CLN3: variants seen among roughly 807,000 people sequenced by gnomAD.
CLN3 encodes the protein battenin.
Under a neutral mutation model 60.7 loss-of-function variants are expected in CLN3, and 49 were observed. The observed-to-expected ratio is 0.81, with a 90% CI of 0.64 to 1.02. The LOEUF (loss-of-function observed/expected upper bound fraction) is 1.02, where lower values mean the gene tolerates loss of function less well. CLN3 is among the 50% of genes least tolerant of loss of function. The pLI is 0.00. For synonymous variants in CLN3, 256 were observed against 245.8 expected, an observed-to-expected ratio of 1.04 and a Z score of -0.39; for missense variants, 516 against 557.4, an observed-to-expected ratio of 0.93 and a Z score of 0.75.
chr16:28,490,827 G>C (rs2046302876), intron 3 of CLN3: 1 of 151,240 alleles, frequency 6.6e-6, no homozygotes, highest in Non-Finnish European at 1.5e-5. Context: ...TCAGCACTTT[G>C]GAAGGTTGAG....
chr16:28,477,492 C>T lies in CLN3; in HGVS notation c.*24G>A, dbSNP rs772089665. Reference sequence around the variant, plus strand: ...TCCCTCTGCCCACAGGTGAATGTGACCTGCGTCCTGAGGATCCCGAGTATC... The same window carrying T: ...TCCCTCTGCCCACAGGTGAATGTGATCTGCGTCCTGAGGATCCCGAGTATC... On this transcript the variant is annotated 3_prime_UTR_variant, in exon 16 of 16. Coordinates refer to ENST00000636147, the MANE Select transcript of CLN3 (RefSeq NM_001042432.2). The T allele has an allele frequency of 1.9e-5, 30 of 1,612,088 alleles. No individual in the cohort carries two copies. Among genetic ancestry groups the T allele is most frequent in the Admixed American group, 8.3e-5 (5 of 59,998 alleles).
chr16:28,483,514 G>A (rs1163354641), intron 10 of CLN3, among the ~76,000 whole-genome samples: 1 of 151,558 alleles, frequency 6.6e-6, no homozygotes, highest in South Asian at 2.1e-4. Context: ...GAACCACCAC[G>A]CCCGGCCAAT....
rs370258906 is a variant in CLN3, at chr16:28,482,715, C to G, written c.791-43G>C. 3 of 1,608,372 alleles carry G rather than the reference C, an allele frequency of 1.9e-6. No individual in the cohort carries two copies. In the African/African-American group the frequency reaches 4.0e-5, roughly 22 times the overall value. Reference sequence around the variant, plus strand: ...GAGAAGGGCAGATGAAGTTTTCACACTGAAGACTCGGCAAAGAGGCACCGG... The same window carrying G: ...GAGAAGGGCAGATGAAGTTTTCACAGTGAAGACTCGGCAAAGAGGCACCGG... On this transcript the variant is annotated intron_variant, in intron 10 of 15. Transcript: ENST00000636147.
intron 13 of CLN3, 58 bp from the exon 14 acceptor site, chr16:28,482,256 C>T (rs1176203775): frequency 6.2e-7 from 1 of 1,603,050 alleles, no homozygotes; most frequent in Non-Finnish European, 8.5e-7. Flanking sequence ...CCCGCTCCCC[C>T]CGGTGCCTAC....
intron 14 of CLN3, chr16:28,479,725 C>A (rs1440916812): frequency 5.0e-6 from 1 of 201,002 alleles, no homozygotes; most frequent in Non-Finnish European, 1.1e-5. Flanking sequence ...GCCAAGATTG[C>A]ACCGCTACAT....
intron 10 of CLN3, 140 bp downstream of exon 10, chr16:28,483,866 T>C (rs1412995027): frequency 3.0e-6 from 2 of 677,360 alleles, no homozygotes; most frequent in Non-Finnish European, 5.2e-6. Context: ...CCTCAACAAG[T>C]ATTTCTCAAA....
chr16:28,491,181 G>A, intron 3 of CLN3: 1 of 430,572 alleles, frequency 2.3e-6, no homozygotes, highest in South Asian at 4.0e-5. Context: ...TCCAAGTGGA[G>A]TCGTGATTTA....
intron 5 of CLN3, chr16:28,488,054 A>T (rs1596563564): frequency 2.7e-5 from 8 of 291,366 alleles, no homozygotes; most frequent in Admixed American, 8.8e-5. Context: ...ATATATATAT[A>T]TTTTGAGAGT....
At position 28,477,329 on chromosome 16, in the gene CLN3, C is replaced by T. The variant is rs867117606; in HGVS notation, c.*187G>A. 18 of 703,092 alleles carry T rather than the reference C, an allele frequency of 2.6e-5. No homozygotes were observed. The highest frequency in any genetic ancestry group is 3.9e-4 in the Middle Eastern group (1 of 2,554). The allele number at this position is 703,092 out of a possible 1,614,324, so 43.6% of individuals were successfully genotyped here. On this transcript the variant is annotated 3_prime_UTR_variant, in exon 16 of 16. Coordinates refer to ENST00000636147, the MANE Select transcript of CLN3 (RefSeq NM_001042432.2). ...CAGAAGGCATGATGCCAGGAAGAAACTCCCCAAGTGGGAGACAATGGCTGG... is the reference window on the plus strand; with the variant it reads ...CAGAAGGCATGATGCCAGGAAGAAATTCCCCAAGTGGGAGACAATGGCTGG...
intron 3 of CLN3, chr16:28,491,191 A>T (rs2046307875): frequency 2.2e-6 from 1 of 461,212 alleles, no homozygotes; most frequent in Non-Finnish European, 3.8e-6. Flanking sequence ...GTCGTGATTT[A>T]AAGTTTTCTT....
downstream of CLN3, among the ~76,000 whole-genome samples, chr16:28,471,878 A>C (rs1297785781): frequency 1.3e-5 from 2 of 152,150 alleles, no homozygotes; most frequent in Non-Finnish European, 2.9e-5. Flanking sequence ...AGGGATGTCC[A>C]AGGAATCTGT....
chr16:28,475,488 T>C (rs1466795379), downstream of CLN3: 2 of 152,356 alleles, frequency 1.3e-5, no homozygotes, highest in Non-Finnish European at 2.9e-5. Flanking sequence ...TGAAGTGACT[T>C]GCCCAAGGTA....
intron 14 of CLN3, among the ~76,000 whole-genome samples, chr16:28,480,281 T>G (rs2046065615): frequency 6.6e-6 from 1 of 152,042 alleles, no homozygotes; most frequent in Non-Finnish European, 1.5e-5. Context: ...CTCAAGCTCC[T>G]GGCTTCGAGT....
rs1240868691 is a variant in CLN3, at chr16:28,486,669, C to G, written c.461-19G>C. 4.4e-6 allele frequency: 7 copies of G among 1,595,688 alleles called. 1 individual carries two copies. The highest frequency in any genetic ancestry group is 6.0e-6 in the Non-Finnish European group (7 of 1,171,498). ...ACCACACCTGGGGGGAGGACAAGCA[C>G]TGGGATGGTCACACCACACCTTGCC... On this transcript the variant is annotated intron_variant, in intron 7 of 15. Transcript: ENST00000636147.
At chr16:28,489,880 A>G (rs1200159778) in intron 3 of CLN3, among the ~76,000 whole-genome samples, 2 of 152,004 alleles carry the variant, frequency 1.3e-5, no homozygotes, top group African/African-American at 4.8e-5. Flanking sequence ...AATATGGAGA[A>G]ACCCCGTCTC....
rs568062985 is a variant in CLN3 at position 28,486,914 on chromosome 16, T to TTTC, written c.461-267_461-265dup. On this transcript the variant is annotated intron_variant, in intron 7 of 15. Coordinates refer to ENST00000636147, the MANE Select transcript of CLN3 (RefSeq NM_001042432.2). ...TCTGCCCCTTCATCAGTCTTTTTCT[T>TTTC]TTCTTTTCTTTTTGGAGACGGAGTC... 399 of 527,174 alleles carry TTTC rather than the reference T, an allele frequency of 7.6e-4. 2 individuals carry two copies. The highest frequency in any genetic ancestry group is 6.8e-3 in the African/African-American group (357 of 52,346). 32.7% of individuals were successfully genotyped at this position (527,174 alleles called of 1,614,324 possible).
intron 3 of CLN3, among the ~76,000 whole-genome samples, chr16:28,490,057 C>CA (rs34443652): frequency 0.49 from 52,207 of 106,446 alleles, 11,658 homozygotes; most frequent in Admixed American, 0.53. Context: ...GACTCTATCT[C>CA]AAAAAAAAAA....
Position 28,491,840 on chromosome 16 carries a change from G to A in CLN3, c.-76-5C>T. 1 of 1,546,996 alleles carries A rather than the reference G, an allele frequency of 6.5e-7. No individual in the cohort carries two copies. Among genetic ancestry groups the A allele is most frequent in the South Asian group, 1.1e-5 (1 of 88,090 alleles). On this transcript the variant is annotated splice_polypyrimidine_tract_variant and splice_region_variant and intron_variant, in intron 1 of 15. Transcript: ENST00000636147. ...TCCCACGGGAGGGATGAGGGTCTGC[G>A]ACAGGTGACAAGGATCAACGCCCGA...
rs1299179975 is a variant in CLN3 at position 28,486,389 on chromosome 16, G to T, written c.635C>A (p.Thr212Asn). The change falls in exon 9 of 16, where the codon ACC becomes AAC. Residue 212 changes from threonine to asparagine, a missense_variant. Physicochemically the swap from Thr to Asn is moderately conservative, Grantham distance 65. Coordinates refer to ENST00000636147, the MANE Select transcript of CLN3 (RefSeq NM_001042432.2). The part of the protein sequence containing the change: ...LTQAGLSPQQ[T>N]LLSMLGIPAL... ...AGGGATACCCAGCATGGACAGCAGG[G>T]TCTGCTGAGGGGAGAGGCCGGCCTG... 1.2e-6 allele frequency: 2 copies of T among 1,613,058 alleles called. No individual in the cohort carries two copies. Among genetic ancestry groups the T allele is most frequent in the East Asian group, 4.5e-5 (2 of 44,904 alleles).
Sources: allele counts gnomAD v4.1 joint callset (sites outside exome capture counted in the v4.1 genomes callset), GRCh38; gene constraint gnomAD v4.1.1; transcripts MANE v1.5; gene names NCBI Gene and HGNC (gene_info 2026-07-23, HGNC 2026-07-21).